SLC10A7: variants seen among roughly 807,000 people sequenced by gnomAD.
SLC10A7 encodes sodium/bile acid cotransporter 7.
In SLC10A7, 29 loss-of-function variants were observed where a neutral mutation model predicts 43.2. That is an observed-to-expected ratio of 0.67 (90% CI 0.50 to 0.92). SLC10A7 has a LOEUF of 0.92. Among genes scored for constraint, SLC10A7 ranks in the 40% least tolerant of loss-of-function variants. The probability of loss-of-function intolerance (pLI) is 0.00; values close to 1 mark genes in which losing one functional copy is unlikely to be tolerated. For synonymous variants in SLC10A7, 152 were observed against 144.8 expected, an observed-to-expected ratio of 1.05 and a Z score of -0.35; for missense variants, 295 against 403.2, an observed-to-expected ratio of 0.73 and a Z score of 2.30.
At chr4:146,293,903 G>C (rs1730607602) in intron 8 of SLC10A7, 27 bp downstream of exon 8, 1 of 1,583,012 alleles carries the variant, frequency 6.3e-7, no homozygotes, top group African/African-American at 1.3e-5. Flanking sequence ...CTGAGGGATA[G>C]CCAGGCTATC....
intron 5 of SLC10A7, among the ~76,000 whole-genome samples, chr4:146,394,357 G>A (rs546817626): frequency 1.3e-5 from 2 of 152,194 alleles, no homozygotes; most frequent in South Asian, 2.1e-4. Flanking sequence ...AAGGTATGAT[G>A]AGCTTGCCAT....
chr4:146,327,748 G>A lies in SLC10A7; in HGVS notation c.436-1752C>T, dbSNP rs559673684. ...ATAGAATGATATAACTGCTGCGACCGGCGCTGCCACAACTACCTGTGCGCA... is the reference window on the plus strand; with the variant it reads ...ATAGAATGATATAACTGCTGCGACCAGCGCTGCCACAACTACCTGTGCGCA... On this transcript the variant is annotated intron_variant, in intron 5 of 11. Transcript: ENST00000335472. Among the ~76,000 whole-genome samples the A allele has an allele frequency of 4.9e-4, 75 of 152,274 alleles. No homozygotes were observed. The Middle Eastern group carries it at 0.01, about 21-fold the overall frequency.
chr4:146,265,986 C>A (rs1578739374), intron 10 of SLC10A7, among the ~76,000 whole-genome samples: 1 of 152,232 alleles, frequency 6.6e-6, no homozygotes, highest in African/African-American at 2.4e-5. Context: ...AGATAGTATA[C>A]TCCAATCACC....
At chr4:146,431,535 C>T (rs1210777867) in intron 5 of SLC10A7, among the ~76,000 whole-genome samples, 1 of 151,906 alleles carries the variant, frequency 6.6e-6, no homozygotes, top group African/African-American at 2.4e-5. Context: ...ATGAAAAAAT[C>T]CATAAAGGAA....
Position 146,512,891 on chromosome 4 carries a change from A to T in SLC10A7, c.184-2842T>A, listed in dbSNP as rs145483408. Among the ~76,000 whole-genome samples the T allele has an allele frequency of 4.3e-3, 656 of 152,346 alleles. 5 individuals carry two copies. The highest frequency in any genetic ancestry group is 0.01 in the Middle Eastern group (3 of 292). On this transcript the variant is annotated intron_variant, in intron 2 of 11. Transcript: ENST00000335472. Reference sequence around the variant, plus strand: ...TAGAGGACAACAAAAATACATCATGACACATCCGTACAACAGAATACTATT... The same window carrying T: ...TAGAGGACAACAAAAATACATCATGTCACATCCGTACAACAGAATACTATT...
At chr4:146,405,121 C>T (rs1414004240) in intron 5 of SLC10A7, among the ~76,000 whole-genome samples, 1 of 152,130 alleles carries the variant, frequency 6.6e-6, no homozygotes, top group African/African-American at 2.4e-5. Context: ...GAAATAAATT[C>T]ACCCAAAGCC....
intron 10 of SLC10A7, among the ~76,000 whole-genome samples, chr4:146,265,830 T>C (rs1156412240): frequency 2.0e-5 from 3 of 152,184 alleles, no homozygotes; most frequent in African/African-American, 7.2e-5. Context: ...AGATTTGATA[T>C]GGCAGGAAGG....
At chr4:146,443,346 T>C (rs745914988) in intron 4 of SLC10A7, among the ~76,000 whole-genome samples, 26 of 152,264 alleles carry the variant, frequency 1.7e-4, no homozygotes, top group Non-Finnish European at 3.2e-4. Flanking sequence ...TGCTGTACCA[T>C]TAATTCTAAG....
chr4:146,308,318 A>G (rs987034163), intron 6 of SLC10A7, among the ~76,000 whole-genome samples: 1 of 152,102 alleles, frequency 6.6e-6, no homozygotes, highest in Non-Finnish European at 1.5e-5. Flanking sequence ...CTTTCTTTTG[A>G]ATTGGCCAAC....
At chr4:146,336,917 C>T (rs902988969) in intron 5 of SLC10A7, among the ~76,000 whole-genome samples, 1 of 152,052 alleles carries the variant, frequency 6.6e-6, no homozygotes, top group Non-Finnish European at 1.5e-5. Flanking sequence ...TGAAAAACAG[C>T]ATTCAAACTC....
rs77748598 is a variant in SLC10A7, at chr4:146,483,726, A to G, written c.396+20123T>C. On this transcript the variant is annotated intron_variant, in intron 4 of 11. Transcript: ENST00000335472. ...GATCCAGCTACATGCTGCCTACAAGAGACATACCTAAGCTTTAAGAAGACA... is the reference window on the plus strand; with the variant it reads ...GATCCAGCTACATGCTGCCTACAAGGGACATACCTAAGCTTTAAGAAGACA... Among the ~76,000 whole-genome samples the G allele has an allele frequency of 8.5e-4, 129 of 152,280 alleles. 1 individual carries two copies. In the South Asian group the frequency reaches 0.013, roughly 15 times the overall value.
At chr4:146,418,553 A>ATT (rs544188837) in intron 5 of SLC10A7, among the ~76,000 whole-genome samples, 3 of 152,124 alleles carry the variant, frequency 2.0e-5, no homozygotes, top group African/African-American at 7.2e-5. Context: ...AAAGCTAAAG[A>ATT]TTTTTTTTAA....
At chr4:146,312,045 T>C (rs773505146) in intron 6 of SLC10A7, among the ~76,000 whole-genome samples, 1 of 152,200 alleles carries the variant, frequency 6.6e-6, no homozygotes, top group Non-Finnish European at 1.5e-5. Context: ...AAATTAGGAA[T>C]ATGGTTATTA....
At chr4:146,385,307 G>C (rs1454281102) in intron 5 of SLC10A7, among the ~76,000 whole-genome samples, 3 of 152,066 alleles carry the variant, frequency 2.0e-5, no homozygotes, top group African/African-American at 7.2e-5. Context: ...GATATTATTA[G>C]GTTAGTGCAA....
chr4:146,429,002 A>G (rs1246774279), intron 5 of SLC10A7, among the ~76,000 whole-genome samples: 1 of 152,140 alleles, frequency 6.6e-6, no homozygotes, highest in Admixed American at 6.5e-5. Flanking sequence ...ATCTGCCCTA[A>G]TCTACTTCAC....
chr4:146,320,532 A>C (rs1417660262), intron 6 of SLC10A7, among the ~76,000 whole-genome samples: 1 of 152,056 alleles, frequency 6.6e-6, no homozygotes, highest in Non-Finnish European at 1.5e-5. Flanking sequence ...ACATTTGAAA[A>C]TTGGATTATT....
chr4:146,288,344 G>A (rs1205773978), intron 9 of SLC10A7, among the ~76,000 whole-genome samples: 2 of 152,092 alleles, frequency 1.3e-5, no homozygotes, highest in Non-Finnish European at 2.9e-5. Flanking sequence ...ATTTTTCTAA[G>A]CACGTTGCAG....
At chr4:146,449,869 G>A (rs1579217660) in intron 4 of SLC10A7, among the ~76,000 whole-genome samples, 1 of 152,164 alleles carries the variant, frequency 6.6e-6, no homozygotes, top group East Asian at 1.9e-4. Flanking sequence ...GAATGCCCTG[G>A]GTTATTTAAT....
intron 10 of SLC10A7, among the ~76,000 whole-genome samples, chr4:146,264,118 A>C (rs553796165): frequency 6.6e-6 from 1 of 152,340 alleles, no homozygotes; most frequent in Non-Finnish European, 1.5e-5. Context: ...TCTTCCTCTA[A>C]CAAGCAAGTA....
Sources: gnomAD v4.1 joint callset for allele counts (sites outside exome capture counted in the v4.1 genomes callset) on GRCh38, gnomAD v4.1.1 for gene constraint, MANE v1.5 for transcripts, NCBI Gene and HGNC (gene_info 2026-07-23, HGNC 2026-07-21) for gene names.